Variants in FAM210A observed in about 807,000 individuals in gnomAD.
FAM210A encodes the protein family with sequence similarity 210 member A.
FAM210A carries 13 observed loss-of-function variants against 25.3 expected under a neutral mutation model. That is an observed-to-expected ratio of 0.51 (90% confidence interval 0.33 to 0.82). The LOEUF is 0.82. Ranked by LOEUF, FAM210A falls within the 40% of genes least tolerant of loss-of-function variation. The probability of loss-of-function intolerance (pLI) is 0.02; values close to 1 mark genes in which losing one functional copy is unlikely to be tolerated. For missense variants in FAM210A, 319 were observed against 323.2 expected (o/e 0.99, Z 0.10); for synonymous variants, 125 against 118.7 (o/e 1.05, Z -0.35).
At chr18:13,677,430 C>T (rs905783025) in intron 2 of FAM210A, among the ~76,000 whole-genome samples, 2 of 150,320 alleles carry the variant, frequency 1.3e-5, no homozygotes, top group East Asian at 1.9e-4. Flanking sequence ...GGGTCGTGAT[C>T]GACTGAGTAA....
intron 1 of FAM210A, among the ~76,000 whole-genome samples, chr18:13,688,392 G>T (rs970274213): frequency 6.6e-6 from 1 of 152,198 alleles, no homozygotes; most frequent in Non-Finnish European, 1.5e-5. Context: ...CTGGACGTCA[G>T]GAAAAAACAG....
chr18:13,694,143 A>C (rs1430455655), intron 1 of FAM210A, among the ~76,000 whole-genome samples: 2 of 152,212 alleles, frequency 1.3e-5, no homozygotes, highest in Non-Finnish European at 2.9e-5. Context: ...AAAGAGAATA[A>C]AATACCTAGG....
intron 3 of FAM210A, among the ~76,000 whole-genome samples, chr18:13,668,776 C>CACA (rs1405818333): frequency 2.0e-5 from 3 of 152,118 alleles, no homozygotes; most frequent in Non-Finnish European, 4.4e-5. Flanking sequence ...ATTATAAGAC[C>CACA]ACAGTAAGTA....
chr18:13,688,754 C>A (rs1207864602), intron 1 of FAM210A, among the ~76,000 whole-genome samples: 1 of 152,270 alleles, frequency 6.6e-6, no homozygotes, highest in Non-Finnish European at 1.5e-5. Flanking sequence ...TAAGGCAGCA[C>A]TGTATCATGG....
Position 13,681,090 on chromosome 18 carries a change from T to C in FAM210A, c.473+515A>G, listed in dbSNP as rs117648469. ...CATACATATGGCAAAATAGACATCTTTTCACATTTATGAACATTCTAAGAA... is the reference window on the plus strand; with the variant it reads ...CATACATATGGCAAAATAGACATCTCTTCACATTTATGAACATTCTAAGAA... On this transcript the variant is annotated intron_variant, in intron 2 of 3. Transcript: ENST00000651643. Among the ~76,000 whole-genome samples the C allele has an allele frequency of 7.5e-3, 1,137 of 152,306 alleles. 8 individuals carry two copies. The highest frequency in any genetic ancestry group is 0.041 in the Middle Eastern group (12 of 294).
chr18:13,706,988 C>T (rs1034072436), intron 1 of FAM210A, among the ~76,000 whole-genome samples: 7 of 152,148 alleles, frequency 4.6e-5, no homozygotes, highest in Admixed American at 3.3e-4. Context: ...TACTATCCTC[C>T]CGACAGTCAT....
intron 1 of FAM210A, among the ~76,000 whole-genome samples, chr18:13,720,810 A>G (rs2043892662): frequency 6.6e-6 from 1 of 152,176 alleles, no homozygotes; most frequent in African/African-American, 2.4e-5. Flanking sequence ...AGGTGTCAGT[A>G]GGGTTTGTTC....
intron 1 of FAM210A, among the ~76,000 whole-genome samples, chr18:13,696,166 A>G (rs2043691764): frequency 6.6e-6 from 1 of 152,248 alleles, no homozygotes; most frequent in African/African-American, 2.4e-5. Flanking sequence ...TATGATCTAC[A>G]GATTCAACAA....
At chr18:13,721,432 C>T (rs2043896743) in intron 1 of FAM210A, among the ~76,000 whole-genome samples, 1 of 152,166 alleles carries the variant, frequency 6.6e-6, no homozygotes, top group African/African-American at 2.4e-5. Context: ...GTTTTCTGCA[C>T]AGGCCAAACA....
intron 1 of FAM210A, among the ~76,000 whole-genome samples, chr18:13,686,057 A>C (rs993050999): frequency 2.0e-5 from 3 of 152,232 alleles, no homozygotes; most frequent in Admixed American, 2.0e-4. Context: ...TAAAATTCAT[A>C]AATCTCTAGC....
intron 3 of FAM210A, among the ~76,000 whole-genome samples, chr18:13,667,666 C>G (rs563418669): frequency 6.6e-6 from 1 of 152,084 alleles, no homozygotes; most frequent in African/African-American, 2.4e-5. Context: ...TGCAGCGAAC[C>G]GAGATTGTAC....
intron 3 of FAM210A, among the ~76,000 whole-genome samples, 186 bp downstream of exon 3, chr18:13,671,676 C>T (rs960015884): frequency 4.9e-5 from 7 of 143,434 alleles, no homozygotes; most frequent in Non-Finnish European, 1.1e-4. Context: ...CAAACAAGAG[C>T]GAAACTCCAT....
At chr18:13,699,047 C>T (rs1242043357) in intron 1 of FAM210A, among the ~76,000 whole-genome samples, 2 of 152,320 alleles carry the variant, frequency 1.3e-5, no homozygotes, top group East Asian at 3.9e-4. Flanking sequence ...TGACCTCACG[C>T]AATCCCACTT....
intron 1 of FAM210A, among the ~76,000 whole-genome samples, chr18:13,696,815 A>G (rs538023611): frequency 3.5e-4 from 54 of 152,340 alleles, no homozygotes; most frequent in African/African-American, 1.2e-3. Context: ...TTAAAAATAA[A>G]CTCAGTGTAG....
chr18:13,684,284 A>C (rs2043578080), intron 1 of FAM210A, among the ~76,000 whole-genome samples: 1 of 152,140 alleles, frequency 6.6e-6, no homozygotes, highest in Admixed American at 6.5e-5. Flanking sequence ...CTGTAATCCC[A>C]GCTATTTGGG....
intron 1 of FAM210A, among the ~76,000 whole-genome samples, chr18:13,699,330 A>G (rs1037702433): frequency 2.0e-5 from 3 of 152,218 alleles, no homozygotes; most frequent in Non-Finnish European, 4.4e-5. Flanking sequence ...AACCACATAA[A>G]CAAGCTGAAT....
At chr18:13,717,007 C>T (rs148782848) in intron 1 of FAM210A, among the ~76,000 whole-genome samples, 1,586 of 152,272 alleles carry the variant, frequency 0.01, 19 homozygotes, top group Non-Finnish European at 0.013. Context: ...GCTCTGTTTG[C>T]GGACTTCTTG....
At chr18:13,672,030 AATT>A in intron 2 of FAM210A, 57 bp from the exon 3 acceptor site, 1 of 1,253,878 alleles carries the variant, frequency 8.0e-7, no homozygotes, top group Non-Finnish European at 1.1e-6. Context: ...TATTTTCAAA[AATT>A]ATCTGAAAAT....
chr18:13,707,687 C>A (rs1262316806), intron 1 of FAM210A, among the ~76,000 whole-genome samples: 1 of 152,238 alleles, frequency 6.6e-6, no homozygotes, highest in African/African-American at 2.4e-5. Context: ...TGTGGATGAA[C>A]TGTAACCTAA....
Sources: allele counts gnomAD v4.1 joint callset (sites outside exome capture counted in the v4.1 genomes callset), GRCh38; gene constraint gnomAD v4.1.1; transcripts MANE v1.5; gene names NCBI Gene and HGNC (gene_info 2026-07-23, HGNC 2026-07-21).